Variants in RIGI observed in about 807,000 individuals in gnomAD.
RIGI encodes the protein RNA sensor RIG-I.
At chr9:32,493,681 G>C in the RIGI span, 1 of 953,618 alleles carries the variant, frequency 1.0e-6, no homozygotes, top group Non-Finnish European at 1.5e-6. Flanking sequence ...TCTTTCTCAG[G>C]TCTAAAACAG....
chr9:32,480,437 G>T, the RIGI span: 3 of 1,340,648 alleles, frequency 2.2e-6, no homozygotes, highest in Non-Finnish European at 2.0e-6. Context: ...TGTATTTAAC[G>T]AATTGTTTTA....
the RIGI span, among the ~76,000 whole-genome samples, chr9:32,521,947 A>G: frequency 1.3e-5 from 2 of 152,188 alleles, no homozygotes; most frequent in African/African-American, 4.8e-5. Context: ...AAAGTGACTT[A>G]TAATCAGATA....
At chr9:32,479,769 A>C in the RIGI span, among the ~76,000 whole-genome samples, 1 of 151,692 alleles carries the variant, frequency 6.6e-6, no homozygotes, top group Non-Finnish European at 1.5e-5. Flanking sequence ...TCCGGGAGGC[A>C]GAGGTTGCAG....
At chr9:32,510,665 AG>A in the RIGI span, among the ~76,000 whole-genome samples, 13 of 152,236 alleles carry the variant, frequency 8.5e-5, no homozygotes, top group Non-Finnish European at 1.8e-4. Flanking sequence ...GACACTATGA[AG>A]AAACTGCATC....
the RIGI span, among the ~76,000 whole-genome samples, chr9:32,522,745 C>A: frequency 1.3e-5 from 2 of 152,184 alleles, no homozygotes; most frequent in South Asian, 2.1e-4. Context: ...CTGCCCACCA[C>A]GCCATTCCTC....
chr9:32,481,302 C>A, the RIGI span: 1 of 1,596,060 alleles, frequency 6.3e-7, no homozygotes, highest in Non-Finnish European at 8.5e-7. Flanking sequence ...CCAGTAGGTG[C>A]TGTGACCAGA....
the RIGI span, among the ~76,000 whole-genome samples, chr9:32,508,394 G>T: frequency 6.6e-6 from 1 of 151,832 alleles, no homozygotes; most frequent in South Asian, 2.1e-4. Flanking sequence ...TCCAACAGAG[G>T]TACCCGGTTC....
chr9:32,486,370 T>G, the RIGI span, among the ~76,000 whole-genome samples: 1 of 150,944 alleles, frequency 6.6e-6, no homozygotes. Flanking sequence ...GGAGAATCAC[T>G]TGAACCCAGG....
At chr9:32,457,480 A>AT in the RIGI span, 17 of 1,178,376 alleles carry the variant, frequency 1.4e-5, no homozygotes, top group South Asian at 2.0e-5. Flanking sequence ...CATAATTGTG[A>AT]TTTAAAAAAA....
chr9:32,510,837 A>G, the RIGI span, among the ~76,000 whole-genome samples: 1 of 152,158 alleles, frequency 6.6e-6, no homozygotes, highest in African/African-American at 2.4e-5. Context: ...TGTATTCAGG[A>G]GACCCATCTC....
chr9:32,512,851 T>G, the RIGI span, among the ~76,000 whole-genome samples: 2 of 152,086 alleles, frequency 1.3e-5, no homozygotes, highest in Non-Finnish European at 2.9e-5. Flanking sequence ...CTCCTTAAGC[T>G]GATAAGCAAC....
the RIGI span, among the ~76,000 whole-genome samples, chr9:32,523,525 G>A: frequency 5.3e-5 from 8 of 152,194 alleles, no homozygotes; most frequent in East Asian, 1.5e-3. Flanking sequence ...AGACCTGGAA[G>A]TCATTTCCAC....
the RIGI span, chr9:32,487,862 C>A: frequency 1.3e-6 from 2 of 1,487,398 alleles, no homozygotes; most frequent in Non-Finnish European, 1.8e-6. Flanking sequence ...AGAAGGACAT[C>A]TTCAGTGTGG....
chr9:32,467,920 G>C, the RIGI span: 1 of 1,591,418 alleles, frequency 6.3e-7, no homozygotes, highest in South Asian at 1.1e-5. Context: ...CTTCTGTGCC[G>C]GGAGGGTCAT....
the RIGI span, chr9:32,457,485 A>G: frequency 4.0e-6 from 4 of 995,228 alleles, no homozygotes; most frequent in Non-Finnish European, 5.4e-6. Flanking sequence ...TTGTGATTTA[A>G]AAAAAAAAAA....
At chr9:32,473,771 T>C in the RIGI span, among the ~76,000 whole-genome samples, 5 of 152,204 alleles carry the variant, frequency 3.3e-5, no homozygotes, top group Admixed American at 6.5e-5. Flanking sequence ...CTCACACTTA[T>C]AATCCCAGCA....
chr9:32,524,460 G>T, the RIGI span, among the ~76,000 whole-genome samples: 1 of 152,018 alleles, frequency 6.6e-6, no homozygotes, highest in Admixed American at 6.5e-5. Flanking sequence ...TTTTAGTTTT[G>T]TAGAGCAATT....
chr9:32,521,139 C>CAAAAAGAAAAAAA, the RIGI span, among the ~76,000 whole-genome samples: 1 of 32,776 alleles, frequency 3.1e-5, no homozygotes, highest in Non-Finnish European at 5.6e-5. Context: ...GACACCATCT[C>CAAAAAGAAAAAAA]AAAAAAAAAA....
At chr9:32,504,859 A>C in the RIGI span, among the ~76,000 whole-genome samples, 6 of 137,194 alleles carry the variant, frequency 4.4e-5, no homozygotes, top group Non-Finnish European at 9.3e-5. Context: ...AATACATAAA[A>C]TATATAAAAT....
Sources: gnomAD v4.1 joint callset for allele counts (sites outside exome capture counted in the v4.1 genomes callset) on GRCh38, gnomAD v4.1.1 for gene constraint, MANE v1.5 for transcripts, NCBI Gene and HGNC (gene_info 2026-07-23, HGNC 2026-07-21) for gene names.